MARCHF1: variants seen among roughly 807,000 people sequenced by gnomAD.
MARCHF1 encodes E3 ubiquitin-protein ligase MARCHF1.
Under a neutral mutation model 54.2 loss-of-function variants are expected in MARCHF1, and 40 were observed. The observed-to-expected ratio is 0.74, with a 90% CI of 0.57 to 0.96. The LOEUF is 0.96. Ranked by LOEUF, MARCHF1 falls within the 40% of genes least tolerant of loss-of-function variation. The pLI, the probability that MARCHF1 is intolerant of heterozygous loss-of-function variation, is 0.00. For missense variants in MARCHF1, 586 were observed against 656.5 expected (o/e 0.89, Z 1.17); for synonymous variants, 236 against 236.3 (o/e 1.00, Z 0.01).
At chr4:163,855,838 G>C (rs1749755262) in intron 3 of MARCHF1, among the ~76,000 whole-genome samples, 1 of 152,184 alleles carries the variant, frequency 6.6e-6, no homozygotes, top group Admixed American at 6.5e-5. Flanking sequence ...TTTTGATGCT[G>C]TGGTGGCAGT....
intron 3 of MARCHF1, among the ~76,000 whole-genome samples, chr4:163,980,095 C>T (rs1452880043): frequency 6.8e-6 from 1 of 147,822 alleles, no homozygotes; most frequent in African/African-American, 2.5e-5. Flanking sequence ...CTGGAGGCAT[C>T]ACACTACCTG....
At chr4:164,335,694 G>A (rs1007419979) in intron 1 of MARCHF1, among the ~76,000 whole-genome samples, 2 of 114,154 alleles carry the variant, frequency 1.8e-5, no homozygotes, top group African/African-American at 5.9e-5. Context: ...GCCACAAAGA[G>A]AATTATGACT....
At chr4:163,823,378 C>T (rs578257765) in intron 4 of MARCHF1, among the ~76,000 whole-genome samples, 1 of 151,874 alleles carries the variant, frequency 6.6e-6, no homozygotes, top group East Asian at 1.9e-4. Context: ...ATCTAATAAA[C>T]TCGAAACACT....
intron 1 of MARCHF1, chr4:164,189,781 G>A: frequency 6.7e-7 from 1 of 1,488,402 alleles, no homozygotes; most frequent in Non-Finnish European, 9.4e-7. Flanking sequence ...GAGGATGAAT[G>A]ACCCCTGACA....
At chr4:163,900,005 G>C (rs1357310950) in intron 3 of MARCHF1, among the ~76,000 whole-genome samples, 1 of 151,428 alleles carries the variant, frequency 6.6e-6, no homozygotes. Flanking sequence ...CTTTGTCTTT[G>C]CTAGAATGTC....
chr4:163,987,452 A>G (rs1204396502), intron 3 of MARCHF1, among the ~76,000 whole-genome samples: 1 of 152,194 alleles, frequency 6.6e-6, no homozygotes, highest in African/African-American at 2.4e-5. Flanking sequence ...AGATGTACTC[A>G]AATTTATTAG....
chr4:164,092,366 G>A (rs527750839), intron 2 of MARCHF1, among the ~76,000 whole-genome samples: 2 of 152,238 alleles, frequency 1.3e-5, no homozygotes, highest in Admixed American at 6.5e-5. Flanking sequence ...ACACAACACT[G>A]GTTTCAACCA....
chr4:164,187,489 G>A (rs1290198681), intron 1 of MARCHF1, among the ~76,000 whole-genome samples: 8 of 152,150 alleles, frequency 5.3e-5, no homozygotes, highest in Middle Eastern at 6.8e-3. Context: ...CCTCCACATC[G>A]CCCCCATAGG....
chr4:164,337,541 A>G (rs1475134512), intron 1 of MARCHF1, among the ~76,000 whole-genome samples: 1 of 152,182 alleles, frequency 6.6e-6, no homozygotes, highest in African/African-American at 2.4e-5. Flanking sequence ...TGGCTAAGAG[A>G]GTCTGGGAGC....
intron 8 of MARCHF1, among the ~76,000 whole-genome samples, chr4:163,559,059 T>C (rs1249935609): frequency 6.6e-6 from 1 of 152,220 alleles, no homozygotes; most frequent in Non-Finnish European, 1.5e-5. Context: ...TTATATTTTT[T>C]CATTTACATT....
chr4:164,025,200 C>G (rs563053518), intron 2 of MARCHF1, among the ~76,000 whole-genome samples: 1 of 151,966 alleles, frequency 6.6e-6, no homozygotes, highest in African/African-American at 2.4e-5. Flanking sequence ...AGAAAACTAA[C>G]AAAAAAATTC....
intron 5 of MARCHF1, among the ~76,000 whole-genome samples, chr4:163,675,881 A>G (rs976036003): frequency 7.2e-5 from 11 of 152,194 alleles, no homozygotes; most frequent in Admixed American, 7.2e-4. Context: ...TCTTTAAAAT[A>G]TCTCTTCCCT....
At chr4:164,272,353 A>G (rs1405514499) in intron 1 of MARCHF1, among the ~76,000 whole-genome samples, 1 of 152,154 alleles carries the variant, frequency 6.6e-6, no homozygotes, top group African/African-American at 2.4e-5. Flanking sequence ...TCAAAAAATA[A>G]AAGACACCCA....
At chr4:164,100,669 T>A (rs1237196813) in intron 2 of MARCHF1, among the ~76,000 whole-genome samples, 4 of 152,238 alleles carry the variant, frequency 2.6e-5, no homozygotes, top group Non-Finnish European at 5.9e-5. Context: ...ACCTCATTTA[T>A]GAGTTGTCTC....
intron 2 of MARCHF1, among the ~76,000 whole-genome samples, chr4:164,098,855 G>C (rs1030448534): frequency 6.6e-6 from 1 of 152,150 alleles, no homozygotes; most frequent in African/African-American, 2.4e-5. Context: ...CTTGTCTTTA[G>C]ATTAAAAACA....
At chr4:164,214,008 T>C (rs888163528) in intron 1 of MARCHF1, among the ~76,000 whole-genome samples, 4 of 152,132 alleles carry the variant, frequency 2.6e-5, no homozygotes, top group African/African-American at 9.6e-5. Context: ...TTGTGATGCA[T>C]TGTATGTTTA....
chr4:164,126,233 C>G (rs968998946), intron 1 of MARCHF1, among the ~76,000 whole-genome samples: 4 of 152,124 alleles, frequency 2.6e-5, no homozygotes, highest in African/African-American at 9.7e-5. Flanking sequence ...GAGGGCAGAG[C>G]CCTCATGAAT....
intron 2 of MARCHF1, among the ~76,000 whole-genome samples, chr4:164,043,522 T>C (rs976515717): frequency 1.3e-5 from 2 of 151,776 alleles, no homozygotes; most frequent in African/African-American, 4.9e-5. Flanking sequence ...GCCTGGCCCA[T>C]AAACCATTTT....
intron 5 of MARCHF1, among the ~76,000 whole-genome samples, chr4:163,642,619 G>A (rs1484989516): frequency 2.0e-5 from 3 of 151,724 alleles, no homozygotes; most frequent in Non-Finnish European, 4.4e-5. Context: ...CAATTAGATT[G>A]TTTTGTGTGT....
Sources: gnomAD v4.1 joint callset for allele counts (sites outside exome capture counted in the v4.1 genomes callset) on GRCh38, gnomAD v4.1.1 for gene constraint, MANE v1.5 for transcripts, NCBI Gene and HGNC (gene_info 2026-07-23, HGNC 2026-07-21) for gene names.